The following DPH6 variants were observed in gnomAD, a reference collection of about 807,000 sequenced individuals.
DPH6 encodes diphthamine biosynthesis 6, also known as diphthine--ammonia ligase.
Under a neutral mutation model 38.2 loss-of-function variants are expected in DPH6, and 33 were observed. The ratio of observed to expected loss-of-function variants is 0.86; its 90% CI spans 0.65 to 1.15. The LOEUF (loss-of-function observed/expected upper bound fraction) is 1.15, where lower values mean the gene tolerates loss of function less well. Among genes scored for constraint, DPH6 ranks in the 50% most tolerant of loss-of-function variants. The probability of loss-of-function intolerance (pLI) is 0.00; values close to 1 mark genes in which losing one functional copy is unlikely to be tolerated. For synonymous variants in DPH6, 108 were observed against 103.0 expected (o/e 1.05, Z -0.30); for missense variants, 325 against 320.0 (o/e 1.02, Z -0.12).
intron 3 of DPH6, among the ~76,000 whole-genome samples, chr15:35,283,795 C>T (rs1262209207): frequency 3.3e-5 from 5 of 150,674 alleles, no homozygotes; most frequent in South Asian, 2.1e-4. Context: ...CACACACACA[C>T]GGAGTCTTAG....
intron 5 of DPH6, among the ~76,000 whole-genome samples, chr15:35,450,185 T>C (rs760216215): frequency 6.6e-6 from 1 of 151,998 alleles, no homozygotes; most frequent in Non-Finnish European, 1.5e-5. Flanking sequence ...TTTCTCACCA[T>C]CCCCAACAAA....
chr15:35,278,568 G>A (rs2051874620), intron 3 of DPH6, among the ~76,000 whole-genome samples: 1 of 152,152 alleles, frequency 6.6e-6, no homozygotes, highest in African/African-American at 2.4e-5. Flanking sequence ...AGTAAGAAGG[G>A]GGCCACTGCC....
At chr15:35,367,219 A>G (rs1164757308), downstream of DPH6, among the ~76,000 whole-genome samples, 5 of 151,886 alleles carry the variant, frequency 3.3e-5, no homozygotes, top group African/African-American at 9.7e-5. Context: ...AATTATTTCA[A>G]CAAGAGCACG....
the DPH6 span, among the ~76,000 whole-genome samples, chr15:35,200,983 CTTTTTTTTTTT>C: frequency 3.2e-5 from 4 of 123,876 alleles, no homozygotes; most frequent in Non-Finnish European, 6.6e-5. Flanking sequence ...AATAATTTCC[CTTTTTTTTTTT>C]TTTTTTTTAC....
chr15:35,427,514 GC>G (rs1164963581), intron 5 of DPH6, among the ~76,000 whole-genome samples: 1 of 151,844 alleles, frequency 6.6e-6, no homozygotes, highest in African/African-American at 2.4e-5. Context: ...CAGACCAGAG[GC>G]TCTCTTGGTG....
intron 3 of DPH6, among the ~76,000 whole-genome samples, chr15:35,459,845 A>G (rs1023417890): frequency 2.0e-5 from 3 of 152,206 alleles, no homozygotes; most frequent in East Asian, 3.8e-4. Flanking sequence ...CAACATTACC[A>G]AGTACCCAGT....
chr15:35,300,738 T>C (rs993009106), intron 3 of DPH6, among the ~76,000 whole-genome samples: 1 of 152,192 alleles, frequency 6.6e-6, no homozygotes, highest in Non-Finnish European at 1.5e-5. Context: ...CCATAAGTTA[T>C]GTACCAAGGA....
intron 3 of DPH6, among the ~76,000 whole-genome samples, chr15:35,297,156 C>T (rs1336835624): frequency 6.6e-6 from 1 of 152,132 alleles, no homozygotes; most frequent in East Asian, 1.9e-4. Flanking sequence ...TCAGTTTTAT[C>T]CTTTTTCATG....
intron 3 of DPH6, among the ~76,000 whole-genome samples, chr15:35,315,942 A>G (rs1467912109): frequency 1.3e-5 from 2 of 152,198 alleles, no homozygotes; most frequent in African/African-American, 4.8e-5. Flanking sequence ...CCAAGCCCAG[A>G]AAGACAAGTA....
intron 6 of DPH6, among the ~76,000 whole-genome samples, chr15:35,383,414 A>T (rs1029313694): frequency 1.2e-4 from 18 of 152,230 alleles, no homozygotes; most frequent in African/African-American, 4.1e-4. Flanking sequence ...TTCGACAAAC[A>T]CTTTTTGAAA....
chr15:35,523,869 C>A, intron 3 of DPH6, among the ~76,000 whole-genome samples: 1 of 152,062 alleles, frequency 6.6e-6, no homozygotes, highest in Non-Finnish European at 1.5e-5. Flanking sequence ...CCATCCAAAT[C>A]AATTCAATTT....
chr15:35,270,339 A>C (rs544994631), intron 3 of DPH6, among the ~76,000 whole-genome samples: 3 of 152,354 alleles, frequency 2.0e-5, no homozygotes, highest in African/African-American at 7.2e-5. Flanking sequence ...AATGGAGTGC[A>C]TCGGTTCTGC....
At chr15:35,162,919 T>A in the DPH6 span, among the ~76,000 whole-genome samples, 1 of 151,870 alleles carries the variant, frequency 6.6e-6, no homozygotes, top group African/African-American at 2.4e-5. Flanking sequence ...GGGAACCCCA[T>A]AAGCAAATTG....
intron 3 of DPH6, among the ~76,000 whole-genome samples, chr15:35,283,814 T>C (rs1393337676): frequency 6.6e-6 from 1 of 151,228 alleles, no homozygotes; most frequent in African/African-American, 2.4e-5. Flanking sequence ...AGACAACTTC[T>C]GAATGCCCTG....
chr15:35,281,806 A>C (rs1046466564), intron 3 of DPH6, among the ~76,000 whole-genome samples: 3 of 152,212 alleles, frequency 2.0e-5, no homozygotes, highest in Non-Finnish European at 4.4e-5. Flanking sequence ...TCTAATAGAG[A>C]TATCTACCGT....
intron 3 of DPH6, among the ~76,000 whole-genome samples, chr15:35,258,122 T>C (rs1472547661): frequency 2.6e-5 from 4 of 152,190 alleles, no homozygotes; most frequent in Non-Finnish European, 5.9e-5. Flanking sequence ...CAAGGTGTTA[T>C]TCTTGTTTTT....
intron 7 of DPH6, among the ~76,000 whole-genome samples, chr15:35,380,133 G>C (rs1232536205): frequency 6.6e-6 from 1 of 152,184 alleles, no homozygotes; most frequent in Non-Finnish European, 1.5e-5. Context: ...GCACCTATCA[G>C]TTATTGTTGA....
At chr15:35,395,175 TC>T (rs1346354865) in intron 6 of DPH6, among the ~76,000 whole-genome samples, 1 of 152,206 alleles carries the variant, frequency 6.6e-6, no homozygotes, top group African/African-American at 2.4e-5. Context: ...CTTTTCTAGC[TC>T]CTGGCAATTT....
intron 3 of DPH6, among the ~76,000 whole-genome samples, chr15:35,271,936 A>G (rs1166129973): frequency 6.6e-6 from 1 of 152,172 alleles, no homozygotes; most frequent in Non-Finnish European, 1.5e-5. Context: ...TAAACTATGT[A>G]ACCTCAGACA....
Sources: gnomAD v4.1 joint callset for allele counts (sites outside exome capture counted in the v4.1 genomes callset) on GRCh38, gnomAD v4.1.1 for gene constraint, MANE v1.5 for transcripts, NCBI Gene and HGNC (gene_info 2026-07-23, HGNC 2026-07-21) for gene names.